Variants in RSRC1 observed in about 807,000 individuals in gnomAD.
The protein encoded by RSRC1 is arginine and serine rich coiled-coil 1.
Under a neutral mutation model 49.1 loss-of-function variants are expected in RSRC1, and 39 were observed. The observed-to-expected ratio is 0.79, with a 90% CI of 0.61 to 1.04. RSRC1 has a LOEUF of 1.04. Among genes scored for constraint, RSRC1 ranks in the 50% least tolerant of loss-of-function variants. RSRC1 has a pLI of 0.00. For synonymous variants in RSRC1, 143 were observed against 130.8 expected (o/e 1.09, Z -0.63); for missense variants, 388 against 402.4 (o/e 0.96, Z 0.31).
At chr3:158,240,459 C>T (rs142972839) in intron 4 of RSRC1, among the ~76,000 whole-genome samples, 74 of 152,138 alleles carry the variant, frequency 4.9e-4, no homozygotes, top group African/African-American at 1.7e-3. Flanking sequence ...TTAATCTGTC[C>T]TGACATTATT....
At chr3:158,387,038 C>G (rs1043929345) in intron 6 of RSRC1, among the ~76,000 whole-genome samples, 2 of 151,754 alleles carry the variant, frequency 1.3e-5, no homozygotes, top group African/African-American at 2.4e-5. Context: ...CCCGAAGTCA[C>G]ATGTGAAATT....
chr3:158,378,414 A>AT (rs1299965862), intron 6 of RSRC1, among the ~76,000 whole-genome samples: 1 of 152,176 alleles, frequency 6.6e-6, no homozygotes, highest in African/African-American at 2.4e-5. Flanking sequence ...TTGAATGATT[A>AT]TTTGATTGTA....
In RSRC1 at chr3:158,229,219, CAT is replaced by C. The variant is rs745380877; in HGVS notation, c.494+25976_494+25977del. On this transcript the variant is annotated intron_variant, in intron 4 of 9. Coordinates refer to ENST00000611884, the MANE Select transcript of RSRC1 (RefSeq NM_001271838.2). The stretch of plus-strand genomic sequence containing the variant: ...ATATATGTGTATATATGTATACACA[CAT>C]ACACGTATATGTGTATGTATGTATA... Among the ~76,000 whole-genome samples the C allele has an allele frequency of 7.8e-4, 116 of 148,872 alleles. 2 individuals are homozygous for C. Among genetic ancestry groups the C allele is most frequent in the Middle Eastern group, 7.2e-3 (2 of 276 alleles).
chr3:158,364,370 G>A (rs1340376243), intron 6 of RSRC1, among the ~76,000 whole-genome samples: 1 of 151,252 alleles, frequency 6.6e-6, no homozygotes. Flanking sequence ...CCCAAAAAGA[G>A]CAGGAGATTG....
chr3:158,360,471 C>T (rs575907952), intron 6 of RSRC1, among the ~76,000 whole-genome samples: 10 of 152,332 alleles, frequency 6.6e-5, no homozygotes, highest in Non-Finnish European at 1.0e-4. Context: ...AGGAGACCTT[C>T]TGCCTCCTGC....
intron 7 of RSRC1, among the ~76,000 whole-genome samples, chr3:158,512,021 C>T (rs1175429441): frequency 6.8e-6 from 1 of 146,118 alleles, no homozygotes; most frequent in African/African-American, 2.5e-5. Context: ...GGATATTAGC[C>T]CTTTGTCAGA....
intron 6 of RSRC1, among the ~76,000 whole-genome samples, chr3:158,420,345 G>A (rs573563568): frequency 6.6e-5 from 10 of 151,974 alleles, no homozygotes; most frequent in Admixed American, 6.6e-5. Context: ...ACAGTGGCTT[G>A]CCTTGAGACA....
chr3:158,194,433 T>C (rs1578183509), intron 3 of RSRC1, among the ~76,000 whole-genome samples: 2 of 151,932 alleles, frequency 1.3e-5, no homozygotes, highest in East Asian at 1.9e-4. Context: ...AGTGTTGTCA[T>C]GAACACCCAT....
chr3:158,459,950 C>T (rs1001394691), intron 6 of RSRC1, among the ~76,000 whole-genome samples: 4 of 151,766 alleles, frequency 2.6e-5, no homozygotes, highest in African/African-American at 7.3e-5. Context: ...TTAAGCCAGT[C>T]ATTATACTTC....
intron 3 of RSRC1, among the ~76,000 whole-genome samples, chr3:158,166,079 A>G (rs1718511066): frequency 6.6e-6 from 1 of 152,192 alleles, no homozygotes. Context: ...AGATGTTGAA[A>G]GCTATACATA....
intron 3 of RSRC1, among the ~76,000 whole-genome samples, chr3:158,202,562 T>TTTTATATATATATATATA (rs369404609): frequency 0.028 from 2,602 of 91,884 alleles, 251 homozygotes; most frequent in Non-Finnish European, 0.035. Context: ...GTCTGGTAGA[T>TTTTATATATATATATATA]TATATATATA....
chr3:158,455,569 A>C (rs1737264902), intron 6 of RSRC1, among the ~76,000 whole-genome samples: 1 of 152,174 alleles, frequency 6.6e-6, no homozygotes, highest in Non-Finnish European at 1.5e-5. Context: ...CCAGTGACAC[A>C]TCCTGAATCA....
intron 3 of RSRC1, among the ~76,000 whole-genome samples, chr3:158,130,651 G>C (rs558575355): frequency 4.1e-4 from 62 of 152,230 alleles, no homozygotes; most frequent in African/African-American, 1.4e-3. Context: ...AACAAAGTTT[G>C]TGTATATTAA....
chr3:158,307,089 G>A (rs920039645), intron 5 of RSRC1, among the ~76,000 whole-genome samples: 5 of 151,586 alleles, frequency 3.3e-5, no homozygotes, highest in Admixed American at 2.0e-4. Context: ...GCTTCCAGTG[G>A]AATCATTGGT....
intron 3 of RSRC1, among the ~76,000 whole-genome samples, chr3:158,145,037 T>C (rs1229623074): frequency 3.9e-5 from 6 of 152,254 alleles, no homozygotes; most frequent in Non-Finnish European, 7.3e-5. Flanking sequence ...ATTAGCCCTT[T>C]GTCAGATGAG....
chr3:158,503,937 T>G (rs1321827995), intron 7 of RSRC1, among the ~76,000 whole-genome samples: 2 of 152,138 alleles, frequency 1.3e-5, no homozygotes, highest in African/African-American at 2.4e-5. Context: ...AGCTGGAAAT[T>G]TCCTTCTCCC....
chr3:158,452,617 C>T (rs1375565787), intron 6 of RSRC1, among the ~76,000 whole-genome samples: 1 of 152,106 alleles, frequency 6.6e-6, no homozygotes, highest in Non-Finnish European at 1.5e-5. Context: ...TGGTCATTGT[C>T]TTAGTGTTAA....
chr3:158,375,381 T>G (rs1461884707), intron 6 of RSRC1, among the ~76,000 whole-genome samples: 1 of 150,856 alleles, frequency 6.6e-6, no homozygotes, highest in Non-Finnish European at 1.5e-5. Flanking sequence ...TTTTTTTTTC[T>G]TAATGAGATA....
At chr3:158,161,972 C>G (rs1341300394) in intron 3 of RSRC1, among the ~76,000 whole-genome samples, 1 of 151,842 alleles carries the variant, frequency 6.6e-6, no homozygotes, top group Admixed American at 6.6e-5. Context: ...GGAGTGAGAC[C>G]CCATCTCAAC....
Sources: allele counts gnomAD v4.1 joint callset (sites outside exome capture counted in the v4.1 genomes callset), GRCh38; gene constraint gnomAD v4.1.1; transcripts MANE v1.5; gene names NCBI Gene and HGNC (gene_info 2026-07-23, HGNC 2026-07-21).